Variants in SHCBP1L observed in about 807,000 individuals in gnomAD.
SHCBP1L encodes testicular spindle-associated protein SHCBP1L.
Under a neutral mutation model 62.5 loss-of-function variants are expected in SHCBP1L, and 67 were observed. The observed-to-expected ratio is 1.07, with a 90% CI of 0.88 to 1.31. The LOEUF is 1.31. SHCBP1L is among the 40% of genes most tolerant of loss of function. The probability of loss-of-function intolerance (pLI) is 0.00; values close to 1 mark genes in which losing one functional copy is unlikely to be tolerated. For missense variants in SHCBP1L, 823 were observed against 809.8 expected, an observed-to-expected ratio of 1.02 and a Z score of -0.20; for synonymous variants, 284 against 289.4, an observed-to-expected ratio of 0.98 and a Z score of 0.19.
At chr1:182,937,757 T>A (rs1651226007) in intron 5 of SHCBP1L, among the ~76,000 whole-genome samples, 1 of 152,192 alleles carries the variant, frequency 6.6e-6, no homozygotes, top group Admixed American at 6.5e-5. Flanking sequence ...TATTGACAAA[T>A]CTTTAAACTC....
rs927112219 is a variant in SHCBP1L, at chr1:182,939,940, T to C, written c.771-387A>G. On this transcript the variant is annotated intron_variant, in intron 3 of 9. Transcript: ENST00000367547. ...TAGCTTCCCTCAAATTGTATCAACT[T>C]ATAAGAAGCAATCATAATGTGAATG... Among the ~76,000 whole-genome samples, 21 of 152,202 alleles carry C rather than the reference T, an allele frequency of 1.4e-4. No homozygotes were observed. The East Asian group carries it at 2.9e-3, about 21-fold the overall frequency.
At chr1:182,924,973 AG>A (rs1408054003) in intron 6 of SHCBP1L, among the ~76,000 whole-genome samples, 1 of 142,102 alleles carries the variant, frequency 7.0e-6, no homozygotes, top group South Asian at 2.3e-4. Context: ...AAAGAAAGAA[AG>A]AAAAAAAAAG....
intron 5 of SHCBP1L, among the ~76,000 whole-genome samples, chr1:182,936,514 T>A (rs552172049): frequency 1.7e-4 from 26 of 152,288 alleles, no homozygotes; most frequent in Middle Eastern, 3.4e-3. Context: ...CTTCTTTTTT[T>A]AAAAAATTAA....
chr1:182,926,046 G>A (rs138050818), intron 6 of SHCBP1L, among the ~76,000 whole-genome samples: 1 of 152,226 alleles, frequency 6.6e-6, no homozygotes, highest in East Asian at 1.9e-4. Flanking sequence ...TCAGGAGGTG[G>A]GGGAAAGGGG....
intron 5 of SHCBP1L, among the ~76,000 whole-genome samples, chr1:182,931,416 C>T (rs1249118937): frequency 1.3e-5 from 2 of 152,116 alleles, no homozygotes; most frequent in Non-Finnish European, 2.9e-5. Context: ...ACAAGGTATT[C>T]ATTTTAAGTG....
At chr1:182,926,019 C>T (rs958229685) in intron 6 of SHCBP1L, among the ~76,000 whole-genome samples, 1 of 151,956 alleles carries the variant, frequency 6.6e-6, no homozygotes, top group African/African-American at 2.4e-5. Flanking sequence ...TCTACAGAGA[C>T]AGCAGATTGT....
chr1:182,906,388 T>C (rs562265056), intron 6 of SHCBP1L, among the ~76,000 whole-genome samples: 53 of 152,300 alleles, frequency 3.5e-4, no homozygotes, highest in South Asian at 2.7e-3. Context: ...TTTTGTTTTC[T>C]TTAACTCAAA....
At chr1:182,914,291 A>G (rs1650284909) in intron 6 of SHCBP1L, among the ~76,000 whole-genome samples, 1 of 152,214 alleles carries the variant, frequency 6.6e-6, no homozygotes, top group African/African-American at 2.4e-5. Flanking sequence ...AGACAACAGA[A>G]GTAACTCAAA....
At chr1:182,932,933 TC>T (rs1304261661) in intron 5 of SHCBP1L, among the ~76,000 whole-genome samples, 4 of 151,600 alleles carry the variant, frequency 2.6e-5, no homozygotes, top group South Asian at 4.2e-4. Context: ...GGAAACAGAG[TC>T]TCACTCTGTC....
At chr1:182,952,551 C>T in intron 1 of SHCBP1L, 178 bp downstream of exon 1, 1 of 693,394 alleles carries the variant, frequency 1.4e-6, no homozygotes, top group South Asian at 2.5e-5. Context: ...TAGGGCAGGA[C>T]GCGGGCACCT....
chr1:182,900,258 A>C (rs996803830), intron 9 of SHCBP1L, 24 bp from the exon 10 acceptor site: 8 of 1,510,372 alleles, frequency 5.3e-6, no homozygotes, highest in African/African-American at 2.8e-5. Flanking sequence ...TGAGGAAATT[A>C]GTTTTTCAAT....
chr1:182,924,713 A>AAAGGAAAGGAAAGGAAGGG (rs1557996613), intron 6 of SHCBP1L, among the ~76,000 whole-genome samples: 2 of 47,554 alleles, frequency 4.2e-5, no homozygotes, highest in African/African-American at 3.7e-4. Context: ...AGAAAGAAAG[A>AAAGGAAAGGAAAGGAAGGG]AAGAAAGAAA....
chr1:182,944,280 C>CTATA (rs993761587), intron 2 of SHCBP1L: 1 of 152,302 alleles, frequency 6.6e-6, no homozygotes, highest in African/African-American at 2.4e-5. Context: ...TGGCGTGCAC[C>CTATA]TATAGTCCCA....
At chr1:182,926,352 C>A (rs967070750) in intron 6 of SHCBP1L, among the ~76,000 whole-genome samples, 1 of 152,196 alleles carries the variant, frequency 6.6e-6, no homozygotes, top group African/African-American at 2.4e-5. Context: ...ACATGGTTAT[C>A]ACCTTCTGTA....
At chr1:182,933,124 T>A (rs1651062808) in intron 5 of SHCBP1L, among the ~76,000 whole-genome samples, 1 of 151,878 alleles carries the variant, frequency 6.6e-6, no homozygotes, top group Non-Finnish European at 1.5e-5. Flanking sequence ...CAGGCTGGTC[T>A]CGAACTCCTG....
In SHCBP1L at chr1:182,952,987, C is replaced by T. The variant is rs769813446; in HGVS notation, c.147G>A (p.Ser49=). Residue 49 remains serine, a synonymous_variant, in exon 1 of 10, where the codon TCG becomes TCA. Transcript: ENST00000367547. ...TCACCGGGCGAGGGGAGGCCACCACCGACCGCACTGGGATCGCGGTGCCCT... is the reference window on the plus strand; with the variant it reads ...TCACCGGGCGAGGGGAGGCCACCACTGACCGCACTGGGATCGCGGTGCCCT... ...TLKGTAIPVR[S]VVASPRPVKG... The T allele has an allele frequency of 1.9e-6, 3 of 1,543,404 alleles. No homozygotes were observed. The highest frequency in any genetic ancestry group is 1.2e-5 in the South Asian group (1 of 84,402).
intron 5 of SHCBP1L, among the ~76,000 whole-genome samples, chr1:182,937,102 T>C (rs1232114149): frequency 1.3e-5 from 2 of 151,876 alleles, no homozygotes; most frequent in Non-Finnish European, 2.9e-5. Flanking sequence ...TAAAATAATT[T>C]ATTTTACCTT....
chr1:182,951,824 C>A, intron 1 of SHCBP1L: 1 of 250,864 alleles, frequency 4.0e-6, no homozygotes, highest in Non-Finnish European at 8.1e-6. Context: ...GAAATATTTG[C>A]TCTATTCCGT....
At position 182,953,158 on chromosome 1, in the gene SHCBP1L, G is replaced by A. The variant is rs761116399; in HGVS notation, c.-25C>T. On this transcript the variant is annotated 5_prime_UTR_variant, in exon 1 of 10. Transcript: ENST00000367547. Reference sequence around the variant, plus strand: ...TCTCCTCAGCAGCCCGAGGGCCGAGGCAGCCGTTGGCCACTTTTCCCGCCC... The same window carrying A: ...TCTCCTCAGCAGCCCGAGGGCCGAGACAGCCGTTGGCCACTTTTCCCGCCC... The A allele has an allele frequency of 6.4e-6, 10 of 1,570,134 alleles. No individual in the cohort carries two copies. In the South Asian group the frequency reaches 9.2e-5, roughly 14 times the overall value.
Sources: allele counts gnomAD v4.1 joint callset (sites outside exome capture counted in the v4.1 genomes callset), GRCh38; gene constraint gnomAD v4.1.1; transcripts MANE v1.5; gene names NCBI Gene and HGNC (gene_info 2026-07-23, HGNC 2026-07-21).